SNX19: variants seen among roughly 807,000 people sequenced by gnomAD.
SNX19 encodes sorting nexin 19, also known as sorting nexin-19.
A neutral mutation model predicts 85.2 loss-of-function variants in SNX19; 60 were observed. That is an observed-to-expected ratio of 0.70 (90% confidence interval 0.57 to 0.87). The LOEUF is 0.87. SNX19 is among the 40% of genes least tolerant of loss of function. The pLI is 0.00. For synonymous variants in SNX19, 520 were observed against 470.0 expected (o/e 1.11, Z -1.38); for missense variants, 1,201 against 1,217.8 (o/e 0.99, Z 0.21).
At chr11:130,908,210 T>C in intron 4 of SNX19, 127 bp from the exon 5 acceptor site, 1 of 1,060,100 alleles carries the variant, frequency 9.4e-7, no homozygotes, top group East Asian at 2.7e-5. Flanking sequence ...TAGCAAAGCC[T>C]TATCCAGTAG....
Position 130,866,468 on chromosome 11 carries a change from A to C in SNX19, c.*11954T>G, listed in dbSNP as rs1253557207. 6.6e-6 allele frequency: 1 copy of C among 152,226 alleles called. No homozygotes were observed. The highest frequency in any genetic ancestry group is 1.5e-5 in the Non-Finnish European group (1 of 68,044). 9.4% of individuals were successfully genotyped at this position (152,226 alleles called of 1,614,324 possible). Reference sequence around the variant, plus strand: ...TGAGAAAAGGCCGGGAGACAGTAATAAATACGTGCCCATTGCAATGAGTTA... The same window carrying C: ...TGAGAAAAGGCCGGGAGACAGTAATCAATACGTGCCCATTGCAATGAGTTA... On this transcript the variant is annotated 3_prime_UTR_variant, in exon 11 of 11. Coordinates refer to ENST00000265909, the MANE Select transcript of SNX19 (RefSeq NM_014758.3).
intron 7 of SNX19, chr11:130,905,620 A>C: frequency 7.0e-7 from 1 of 1,428,358 alleles, no homozygotes; most frequent in African/African-American, 1.4e-5. Flanking sequence ...TGAGACACTA[A>C]GGGAAGAAAG....
At chr11:130,907,416 T>C (rs1375043452) in intron 5 of SNX19, among the ~76,000 whole-genome samples, 22 of 152,146 alleles carry the variant, frequency 1.4e-4, no homozygotes, top group Admixed American at 1.4e-3. Flanking sequence ...TGTGGTGCCC[T>C]TGCTTGCCAC....
At chr11:130,880,840 G>C (rs1375946964) in intron 8 of SNX19, 34 bp from the exon 9 acceptor site, 9 of 1,504,694 alleles carry the variant, frequency 6.0e-6, no homozygotes, top group Non-Finnish European at 8.1e-6. Context: ...CTTAGATAAA[G>C]CTGAAGGAAA....
intron 8 of SNX19, among the ~76,000 whole-genome samples, chr11:130,889,786 T>C (rs565619572): frequency 6.6e-6 from 1 of 152,268 alleles, no homozygotes; most frequent in African/African-American, 2.4e-5. Flanking sequence ...TTGTATTCTG[T>C]CTGTGGTCAG....
intron 8 of SNX19, among the ~76,000 whole-genome samples, chr11:130,881,498 G>GT (rs1396117003): frequency 1.3e-5 from 2 of 152,140 alleles, no homozygotes; most frequent in African/African-American, 4.8e-5. Context: ...TCCTCTGATG[G>GT]GAAGCATTAT....
chr11:130,903,151 C>A, intron 8 of SNX19, 104 bp downstream of exon 8: 4 of 1,504,792 alleles, frequency 2.7e-6, no homozygotes, highest in Non-Finnish European at 3.6e-6. Flanking sequence ...AACAGAGAAT[C>A]TATCTTCTCT....
rs1201031002 is a variant in SNX19, at chr11:130,866,291, G to A, written c.*12131C>T. The A allele has an allele frequency of 1.3e-5, 2 of 152,166 alleles. No homozygotes were observed. Among genetic ancestry groups the A allele is most frequent in the Non-Finnish European group, 1.5e-5 (1 of 68,036 alleles). 9.4% of individuals were successfully genotyped at this position (152,166 alleles called of 1,614,324 possible). ...TTTACTAAGCATTTTTTATGTGCAG[G>A]AGAGAGTACAAACCAACATGCAACA... On this transcript the variant is annotated 3_prime_UTR_variant, in exon 11 of 11. Transcript: ENST00000265909.
intron 8 of SNX19, chr11:130,895,153 C>T: frequency 1.0e-6 from 1 of 985,428 alleles, no homozygotes; most frequent in Non-Finnish European, 1.2e-6. Flanking sequence ...AGGGGCGCTG[C>T]ACTCTTTGGA....
rs1216365805 is a variant in SNX19, at chr11:130,914,753, T to C, written c.1187A>G (p.Asp396Gly). The change falls in exon 1 of 11, where the codon GAC (aspartate) becomes GGC (glycine). Residue 396 changes from aspartate to glycine, a missense_variant. Physicochemically the swap from Asp to Gly is moderately conservative, Grantham distance 94. Around this residue, in one of 3 missense-constraint regions of SNX19, gnomAD observed 791 missense variants for 750.9 expected, o/e 1.05. Coordinates refer to ENST00000265909, the MANE Select transcript of SNX19 (RefSeq NM_014758.3). ...MLMTPGSFLS[D>G]RIQDALCALE... ...GGCACACAGGGCATCCTGAATCCTG[T>C]CAGAGAGAAAGCTGCCTGGAGTCAT... The C allele has an allele frequency of 6.2e-7, 1 of 1,614,174 alleles. No individual in the cohort carries two copies. Among genetic ancestry groups the C allele is most frequent in the Non-Finnish European group, 8.5e-7 (1 of 1,180,044 alleles).
chr11:130,906,160 A>G (rs1335061973), intron 6 of SNX19, 27 bp from the exon 7 acceptor site: 9 of 1,605,478 alleles, frequency 5.6e-6, no homozygotes, highest in Non-Finnish European at 6.8e-6. Flanking sequence ...GGCATATCAC[A>G]TATGGAATGC....
chr11:130,906,798 A>G, intron 5 of SNX19, 77 bp from the exon 6 acceptor site: 1 of 994,958 alleles, frequency 1.0e-6, no homozygotes, highest in Non-Finnish European at 1.6e-6. Context: ...GCAAGTACTG[A>G]TAATAAAACA....
chr11:130,916,013 T>C lies in SNX19; in HGVS notation c.-74A>G. 3 of 1,372,210 alleles carry C rather than the reference T, an allele frequency of 2.2e-6. No individual in the cohort carries two copies. The highest frequency in any genetic ancestry group is 3.0e-6 in the Non-Finnish European group (3 of 998,746). 85.0% of individuals were successfully genotyped at this position (1,372,210 alleles called of 1,614,324 possible). On this transcript the variant is annotated 5_prime_UTR_variant, in exon 1 of 11. It removes an upstream start codon present in the reference 5' UTR. Transcript: ENST00000265909. ...ACTTCAGAGTTAGGGAAGGGGGGCA[T>C]GAACTGTGTCTCAGATATGGGGCGA...
chr11:130,894,589 A>T (rs1223716314), intron 8 of SNX19: 1 of 971,780 alleles, frequency 1.0e-6, no homozygotes, highest in African/African-American at 1.8e-5. Context: ...GTATTGTTTA[A>T]CCTGCAGCGC....
Position 130,915,310 on chromosome 11 carries a change from G to A in SNX19, c.630C>T (p.Thr210=), listed in dbSNP as rs3751035. The A allele has an allele frequency of 0.19, 306,996 of 1,613,912 alleles. 30,641 individuals are homozygous for A. The highest frequency in any genetic ancestry group is 0.21 in the Middle Eastern group (1,252 of 6,060). The change falls in exon 1 of 11, where the codon ACC becomes ACT. Residue 210 remains threonine, a synonymous_variant. Coordinates refer to ENST00000265909, the MANE Select transcript of SNX19 (RefSeq NM_014758.3). ...ACAAATTCACAACGCCACGCGTATA[G>A]GTGACTTCAGCACTGGGGCTGTGCA... is the stretch of plus-strand genomic sequence containing the variant. ...PAVHSPSAEV[T]YTRGVVNLLL...
chr11:130,891,259 C>T (rs1273869152), intron 8 of SNX19, among the ~76,000 whole-genome samples: 3 of 152,164 alleles, frequency 2.0e-5, no homozygotes, highest in Admixed American at 1.3e-4. Context: ...GGCTAATACA[C>T]CAGCGATAGA....
intron 7 of SNX19, among the ~76,000 whole-genome samples, chr11:130,905,241 A>G (rs773261885): frequency 3.3e-5 from 5 of 152,074 alleles, no homozygotes; most frequent in Admixed American, 6.5e-5. Context: ...TCCAATGCAT[A>G]TAAGGAGAAA....
At chr11:130,890,322 A>G (rs1448738766) in intron 8 of SNX19, among the ~76,000 whole-genome samples, 1 of 152,102 alleles carries the variant, frequency 6.6e-6, no homozygotes, top group African/African-American at 2.4e-5. Flanking sequence ...ATGCCTCATC[A>G]CCTTTTCTAT....
intron 9 of SNX19, 73 bp downstream of exon 9, chr11:130,880,549 G>T: frequency 7.3e-7 from 1 of 1,363,126 alleles, no homozygotes; most frequent in Non-Finnish European, 1.0e-6. Context: ...AGGAAAAGGT[G>T]CAGGGGTAAT....
Sources: allele counts gnomAD v4.1 joint callset (sites outside exome capture counted in the v4.1 genomes callset), GRCh38; gene constraint gnomAD v4.1.1; regional missense constraint gnomAD v4.1.1; transcripts MANE v1.5; gene names NCBI Gene and HGNC (gene_info 2026-07-23, HGNC 2026-07-21).